Variants in ASIC2 observed in about 807,000 individuals in gnomAD.
ASIC2 encodes acid sensing ion channel subunit 2, also known as acid-sensing ion channel 2.
Under a neutral mutation model 57.3 loss-of-function variants are expected in ASIC2, and 25 were observed. The ratio of observed to expected loss-of-function variants is 0.44; its 90% CI spans 0.32 to 0.61. The LOEUF (loss-of-function observed/expected upper bound fraction) is 0.61, where lower values mean the gene tolerates loss of function less well. Among genes scored for constraint, ASIC2 ranks in the 20% least tolerant of loss-of-function variants. The pLI, the probability that ASIC2 is intolerant of heterozygous loss-of-function variation, is 0.06. For missense variants in ASIC2, 641 were observed against 738.1 expected (o/e 0.87, Z 1.52); for synonymous variants, 319 against 307.5 (o/e 1.04, Z -0.39).
At chr17:34,116,863 G>A (rs1257102690) in intron 1 of ASIC2, among the ~76,000 whole-genome samples, 1 of 152,060 alleles carries the variant, frequency 6.6e-6, no homozygotes, top group African/African-American at 2.4e-5. Flanking sequence ...GTGGGGGGAG[G>A]AGGGCGTATA....
At chr17:33,947,395 A>G (rs947735866) in intron 1 of ASIC2, among the ~76,000 whole-genome samples, 1 of 152,236 alleles carries the variant, frequency 6.6e-6, no homozygotes, top group African/African-American at 2.4e-5. Context: ...TCCAACATCA[A>G]CAGTGAACTC....
chr17:33,248,624 C>A (rs894683465), intron 1 of ASIC2, among the ~76,000 whole-genome samples: 1 of 152,182 alleles, frequency 6.6e-6, no homozygotes, highest in Non-Finnish European at 1.5e-5. Context: ...GTCCACACAC[C>A]CTCTGGAGGC....
rs73983948 is a variant in ASIC2, at chr17:33,526,128, C to T, written c.556-414061G>A. ...CCCTAAGATGACAGGAACCAAGTCC[C>T]TGTTTTATGTGTCAGGGACTTCACA... On this transcript the variant is annotated intron_variant, in intron 1 of 9. Transcript: ENST00000359872. Among the ~76,000 whole-genome samples the T allele has an allele frequency of 6.5e-3, 987 of 152,320 alleles. 11 individuals carry two copies. Among genetic ancestry groups the T allele is most frequent in the African/African-American group, 0.023 (955 of 41,570 alleles).
intron 1 of ASIC2, among the ~76,000 whole-genome samples, chr17:33,571,131 T>G (rs7211325): frequency 0.52 from 79,174 of 151,722 alleles, 21,783 homozygotes; most frequent in African/African-American, 0.71. Context: ...TCCAGATTAG[T>G]CCCAAGTTCT....
chr17:33,801,060 CA>C (rs1337532256), intron 1 of ASIC2, among the ~76,000 whole-genome samples: 1 of 152,146 alleles, frequency 6.6e-6, no homozygotes, highest in African/African-American at 2.4e-5. Context: ...AGGAGATTTG[CA>C]ATACACTAGA....
chr17:33,413,504 T>A (rs754923493), intron 1 of ASIC2, among the ~76,000 whole-genome samples: 7 of 152,240 alleles, frequency 4.6e-5, no homozygotes, highest in Non-Finnish European at 8.8e-5. Flanking sequence ...TCCAAGCCAC[T>A]GCCGTTTCTC....
intron 1 of ASIC2, among the ~76,000 whole-genome samples, chr17:33,808,187 G>A (rs1912321712): frequency 6.6e-6 from 1 of 152,210 alleles, no homozygotes; most frequent in Non-Finnish European, 1.5e-5. Context: ...TCCATTTTGA[G>A]TTAAATGGAT....
At chr17:33,800,279 T>C (rs1912094220) in intron 1 of ASIC2, among the ~76,000 whole-genome samples, 1 of 152,114 alleles carries the variant, frequency 6.6e-6, no homozygotes, top group South Asian at 2.1e-4. Context: ...GCACACCCCC[T>C]TTTGCACAGG....
chr17:33,672,927 T>C (rs1294461982), intron 1 of ASIC2, among the ~76,000 whole-genome samples: 1 of 152,156 alleles, frequency 6.6e-6, no homozygotes, highest in Non-Finnish European at 1.5e-5. Context: ...ATCAATATCA[T>C]AGGTTTGTGA....
chr17:33,458,537 G>A (rs1912529083), intron 1 of ASIC2, among the ~76,000 whole-genome samples: 2 of 152,176 alleles, frequency 1.3e-5, no homozygotes, highest in South Asian at 4.1e-4. Context: ...CTTTCTGACT[G>A]TATGATTTTG....
intron 1 of ASIC2, among the ~76,000 whole-genome samples, chr17:33,425,794 G>C (rs1305743791): frequency 6.6e-6 from 1 of 152,134 alleles, no homozygotes; most frequent in Non-Finnish European, 1.5e-5. Context: ...CCTCCATCTG[G>C]GCATTCTGAG....
At chr17:33,854,775 G>C (rs147395328) in intron 1 of ASIC2, among the ~76,000 whole-genome samples, 2,165 of 152,320 alleles carry the variant, frequency 0.014, 29 homozygotes, top group Non-Finnish European at 0.023. Context: ...TGTCACACAA[G>C]TTGCCAGCTC....
At chr17:33,201,180 T>A (rs1906844654) in intron 1 of ASIC2, among the ~76,000 whole-genome samples, 1 of 152,196 alleles carries the variant, frequency 6.6e-6, no homozygotes, top group Non-Finnish European at 1.5e-5. Flanking sequence ...ATTTTCTATC[T>A]CCTCCAAGCA....
intron 1 of ASIC2, among the ~76,000 whole-genome samples, chr17:33,225,912 C>T (rs937265372): frequency 1.3e-5 from 2 of 152,220 alleles, no homozygotes; most frequent in African/African-American, 2.4e-5. Context: ...ACCATCATCA[C>T]ATTAGACTTT....
chr17:33,405,554 G>T (rs1483651671), intron 1 of ASIC2, among the ~76,000 whole-genome samples: 2 of 149,958 alleles, frequency 1.3e-5, no homozygotes, highest in African/African-American at 4.9e-5. Flanking sequence ...CGCGATCTTG[G>T]CTCACTGCAA....
intron 1 of ASIC2, among the ~76,000 whole-genome samples, chr17:33,996,048 G>A (rs1009855166): frequency 6.6e-6 from 1 of 152,032 alleles, no homozygotes; most frequent in Non-Finnish European, 1.5e-5. Context: ...ATTTTAACAG[G>A]TATGAGGTAA....
intron 1 of ASIC2, among the ~76,000 whole-genome samples, chr17:33,606,382 A>G (rs530765456): frequency 3.3e-5 from 5 of 152,256 alleles, no homozygotes; most frequent in East Asian, 3.9e-4. Flanking sequence ...AGAGCATCCA[A>G]ATCACTCCAC....
At chr17:33,513,519 C>T (rs1275872386) in intron 1 of ASIC2, among the ~76,000 whole-genome samples, 2 of 152,134 alleles carry the variant, frequency 1.3e-5, no homozygotes, top group African/African-American at 4.8e-5. Context: ...AGTTTTGGGG[C>T]CATTGGAGAC....
chr17:33,077,164 G>C (rs1235064325), intron 3 of ASIC2, among the ~76,000 whole-genome samples: 1 of 151,892 alleles, frequency 6.6e-6, no homozygotes, highest in Non-Finnish European at 1.5e-5. Flanking sequence ...CTCTCCTGCA[G>C]ACCTTGGCCC....
Sources: allele counts gnomAD v4.1 joint callset (sites outside exome capture counted in the v4.1 genomes callset), GRCh38; gene constraint gnomAD v4.1.1; transcripts MANE v1.5; gene names NCBI Gene and HGNC (gene_info 2026-07-23, HGNC 2026-07-21).